Variants in GRID2 observed in about 807,000 individuals in gnomAD.
The protein encoded by GRID2 is glutamate receptor ionotropic, delta-2.
GRID2 carries 33 observed loss-of-function variants against 114.8 expected under a neutral mutation model. The observed-to-expected ratio is 0.29, with a 90% CI of 0.22 to 0.38. The LOEUF (loss-of-function observed/expected upper bound fraction) is 0.38. Ranked by LOEUF, GRID2 falls within the 10% of genes least tolerant of loss-of-function variation. The pLI is 1.00. For missense variants in GRID2, 1,184 were observed against 1,257.7 expected, an observed-to-expected ratio of 0.94 and a Z score of 0.89; for synonymous variants, 505 against 449.9, an observed-to-expected ratio of 1.12 and a Z score of -1.55.
At chr4:92,883,385 A>G (rs930509931) in intron 2 of GRID2, among the ~76,000 whole-genome samples, 13 of 152,156 alleles carry the variant, frequency 8.5e-5, no homozygotes, top group African/African-American at 2.9e-4. Flanking sequence ...AAAGTCATCC[A>G]TGAGGGTTGG....
At chr4:92,678,971 CTTT>C (rs35349895) in intron 2 of GRID2, among the ~76,000 whole-genome samples, 7 of 138,636 alleles carry the variant, frequency 5.0e-5, no homozygotes, top group Admixed American at 1.5e-4. Flanking sequence ...CTGCAAATAG[CTTT>C]TTTTTTTTTT....
chr4:92,537,490 G>A (rs1358286467), intron 1 of GRID2, among the ~76,000 whole-genome samples: 1 of 152,156 alleles, frequency 6.6e-6, no homozygotes, highest in African/African-American at 2.4e-5. Context: ...ATTTAAAGCA[G>A]TTGTTTTAAT....
At chr4:92,943,602 C>G (rs942263904) in intron 2 of GRID2, among the ~76,000 whole-genome samples, 1 of 152,200 alleles carries the variant, frequency 6.6e-6, no homozygotes, top group Non-Finnish European at 1.5e-5. Context: ...CTCCATCCAG[C>G]TTTGTTCCAT....
At chr4:93,029,517 G>A (rs1347368375) in intron 2 of GRID2, among the ~76,000 whole-genome samples, 1 of 152,024 alleles carries the variant, frequency 6.6e-6, no homozygotes, top group African/African-American at 2.4e-5. Context: ...AACTGTGTTT[G>A]TTTTAAGATT....
At chr4:92,455,828 A>G (rs973403022) in intron 1 of GRID2, among the ~76,000 whole-genome samples, 1 of 152,218 alleles carries the variant, frequency 6.6e-6, no homozygotes, top group Non-Finnish European at 1.5e-5. Flanking sequence ...CTTTGATACT[A>G]GAATGCAATA....
At chr4:93,456,778 T>G (rs1389140608) in intron 11 of GRID2, among the ~76,000 whole-genome samples, 1 of 152,214 alleles carries the variant, frequency 6.6e-6, no homozygotes, top group Non-Finnish European at 1.5e-5. Flanking sequence ...CAACTCTCAA[T>G]AACATCTTTC....
At chr4:93,316,079 T>A (rs1005516404) in intron 8 of GRID2, among the ~76,000 whole-genome samples, 14 of 151,880 alleles carry the variant, frequency 9.2e-5, no homozygotes, top group African/African-American at 3.4e-4. Flanking sequence ...CCAGGGCACA[T>A]CCAAAAGGAA....
chr4:92,506,642 T>C (rs1723986144), intron 1 of GRID2, among the ~76,000 whole-genome samples: 2 of 151,962 alleles, frequency 1.3e-5, no homozygotes, highest in South Asian at 2.1e-4. Context: ...TTTTCTGGCA[T>C]GTATTCTCAC....
intron 2 of GRID2, among the ~76,000 whole-genome samples, chr4:92,652,325 G>A (rs1167954574): frequency 6.6e-6 from 1 of 151,952 alleles, no homozygotes; most frequent in Non-Finnish European, 1.5e-5. Context: ...AGCCACCTGG[G>A]CATCCTGTAG....
intron 2 of GRID2, among the ~76,000 whole-genome samples, chr4:92,754,472 C>T (rs1258045428): frequency 6.6e-6 from 1 of 152,106 alleles, no homozygotes; most frequent in Non-Finnish European, 1.5e-5. Flanking sequence ...AAACCCAAAT[C>T]TTTCAGTAAC....
intron 8 of GRID2, among the ~76,000 whole-genome samples, chr4:93,386,340 C>T (rs1340517631): frequency 6.6e-6 from 1 of 152,112 alleles, no homozygotes; most frequent in African/African-American, 2.4e-5. Flanking sequence ...CAGGATAATT[C>T]TGACAGGATT....
chr4:92,911,207 G>T (rs1748352966), intron 2 of GRID2, among the ~76,000 whole-genome samples: 1 of 151,810 alleles, frequency 6.6e-6, no homozygotes, highest in South Asian at 2.1e-4. Flanking sequence ...TTGTTTTTTG[G>T]AAAGGATTGA....
intron 2 of GRID2, among the ~76,000 whole-genome samples, chr4:92,756,637 G>A (rs1482720561): frequency 6.6e-6 from 1 of 152,000 alleles, no homozygotes; most frequent in African/African-American, 2.4e-5. Context: ...CATTCTAAGT[G>A]GGGTAAGATG....
At chr4:92,317,046 T>A (rs1006415219) in intron 1 of GRID2, among the ~76,000 whole-genome samples, 3 of 152,176 alleles carry the variant, frequency 2.0e-5, no homozygotes, top group Non-Finnish European at 4.4e-5. Context: ...TGGTAATTAA[T>A]TAAGCTAATG....
chr4:92,946,066 C>T (rs542501835), intron 2 of GRID2, among the ~76,000 whole-genome samples: 48 of 152,054 alleles, frequency 3.2e-4, no homozygotes, highest in African/African-American at 1.1e-3. Context: ...TTAATCTCAC[C>T]GTTTAGGTCT....
chr4:92,533,703 TAAAC>T (rs1157102564), intron 1 of GRID2, among the ~76,000 whole-genome samples: 1 of 152,132 alleles, frequency 6.6e-6, no homozygotes, highest in Admixed American at 6.6e-5. Flanking sequence ...GACAAAATAT[TAAAC>T]AATATGGTAG....
chr4:92,773,932 C>T (rs1440283484), intron 2 of GRID2, among the ~76,000 whole-genome samples: 1 of 152,114 alleles, frequency 6.6e-6, no homozygotes, highest in Non-Finnish European at 1.5e-5. Context: ...AGCCCTTCTA[C>T]ATTCCATATG....
chr4:92,474,412 T>G (rs192381500), intron 1 of GRID2, among the ~76,000 whole-genome samples: 159 of 152,264 alleles, frequency 1.0e-3, no homozygotes, highest in Non-Finnish European at 1.4e-3. Context: ...CATTATGCAT[T>G]TACCCACTGA....
chr4:93,273,478 A>ATT (rs1345331827), intron 8 of GRID2, among the ~76,000 whole-genome samples: 1 of 144,702 alleles, frequency 6.9e-6, no homozygotes, highest in Non-Finnish European at 1.5e-5. Context: ...CCCAAAAAAT[A>ATT]TCCATGCCCC....
Sources: allele counts gnomAD v4.1 joint callset (sites outside exome capture counted in the v4.1 genomes callset), GRCh38; gene constraint gnomAD v4.1.1; transcripts MANE v1.5; gene names NCBI Gene and HGNC (gene_info 2026-07-23, HGNC 2026-07-21).